EYA2: variants seen among roughly 807,000 people sequenced by gnomAD.
EYA2 encodes the protein protein phosphatase EYA2.
A neutral mutation model predicts 69.2 loss-of-function variants in EYA2; 31 were observed. The ratio of observed to expected loss-of-function variants is 0.45; its 90% confidence interval spans 0.34 to 0.60. EYA2 has a LOEUF of 0.60. EYA2 is among the 20% of genes least tolerant of loss of function. The pLI, the probability that EYA2 is intolerant of heterozygous loss-of-function variation, is 0.02. For missense variants in EYA2, 622 were observed against 701.2 expected (o/e 0.89, Z 1.28); for synonymous variants, 257 against 279.4 (o/e 0.92, Z 0.80).
chr20:47,059,888 T>C (rs915694591), intron 5 of EYA2, among the ~76,000 whole-genome samples: 1 of 152,232 alleles, frequency 6.6e-6, no homozygotes, highest in Admixed American at 6.5e-5. Context: ...TTTGCCACAC[T>C]GAGGACCCAG....
At chr20:47,185,066 G>C (rs2034610116) in intron 15 of EYA2, among the ~76,000 whole-genome samples, 1 of 152,148 alleles carries the variant, frequency 6.6e-6, no homozygotes, top group Non-Finnish European at 1.5e-5. Context: ...AATCTGAGCG[G>C]TGTAAAATAT....
chr20:46,935,458 G>A (rs1252942403), intron 1 of EYA2, among the ~76,000 whole-genome samples: 1 of 152,164 alleles, frequency 6.6e-6, no homozygotes, highest in Non-Finnish European at 1.5e-5. Flanking sequence ...AATAAATGAC[G>A]ATGTTATTAA....
chr20:46,938,622 T>G (rs1008722561), intron 1 of EYA2, among the ~76,000 whole-genome samples: 2 of 152,142 alleles, frequency 1.3e-5, no homozygotes, highest in African/African-American at 4.8e-5. Context: ...ACACATTGGC[T>G]GACTTCCCTG....
At chr20:46,975,766 T>G (rs945913605) in intron 1 of EYA2, among the ~76,000 whole-genome samples, 1 of 152,092 alleles carries the variant, frequency 6.6e-6, no homozygotes, top group African/African-American at 2.4e-5. Context: ...AATACAAAAA[T>G]TAGCCGGGCG....
chr20:46,915,085 TC>T (rs1984837933), intron 1 of EYA2, among the ~76,000 whole-genome samples: 1 of 152,128 alleles, frequency 6.6e-6, no homozygotes, highest in African/African-American at 2.4e-5. Context: ...CAATTACTGC[TC>T]CCCATCTCCC....
intron 5 of EYA2, among the ~76,000 whole-genome samples, chr20:47,055,292 T>C (rs531127616): frequency 5.3e-4 from 81 of 152,334 alleles, no homozygotes; most frequent in African/African-American, 1.9e-3. Flanking sequence ...TTTCAGAAAC[T>C]CTGGTCTTTA....
chr20:46,972,116 G>T (rs920849094), intron 1 of EYA2, among the ~76,000 whole-genome samples: 1 of 152,206 alleles, frequency 6.6e-6, no homozygotes, highest in African/African-American at 2.4e-5. Context: ...AGGAGGTGAC[G>T]TTTGAGAAAA....
chr20:47,076,281 A>AGGCCGCTTTCCACAGT (rs2031514972), intron 7 of EYA2, among the ~76,000 whole-genome samples: 1 of 152,220 alleles, frequency 6.6e-6, no homozygotes, highest in Non-Finnish European at 1.5e-5. Flanking sequence ...AGAAATCTTC[A>AGGCCGCTTTCCACAGT]GGCCGCTTTC....
At chr20:47,040,509 T>C (rs766523569) in intron 5 of EYA2, among the ~76,000 whole-genome samples, 1 of 152,184 alleles carries the variant, frequency 6.6e-6, no homozygotes, top group African/African-American at 2.4e-5. Context: ...AAACGCCGAG[T>C]TGGGGCTCAG....
chr20:47,162,675 C>T (rs2034093829), intron 10 of EYA2, among the ~76,000 whole-genome samples: 1 of 151,890 alleles, frequency 6.6e-6, no homozygotes, highest in Non-Finnish European at 1.5e-5. Context: ...CATGTCGCTA[C>T]ACCTGGCTAA....
intron 2 of EYA2, among the ~76,000 whole-genome samples, chr20:46,996,829 G>GCAGGCA (rs1450508856): frequency 6.6e-6 from 1 of 152,082 alleles, no homozygotes; most frequent in Non-Finnish European, 1.5e-5. Flanking sequence ...CGAAGGGGAA[G>GCAGGCA]CAGGCACATT....
chr20:47,088,894 T>G (rs1457010692), intron 7 of EYA2, among the ~76,000 whole-genome samples: 1 of 152,220 alleles, frequency 6.6e-6, no homozygotes, highest in East Asian at 1.9e-4. Context: ...GTTAATTCTC[T>G]GTGGCACATT....
intron 10 of EYA2, among the ~76,000 whole-genome samples, chr20:47,148,231 T>G (rs916805455): frequency 2.6e-5 from 4 of 152,062 alleles, no homozygotes; most frequent in Non-Finnish European, 5.9e-5. Context: ...GGCAAGTCTC[T>G]CCATCCCTCT....
rs530534172 is a variant in EYA2, at chr20:46,976,270, G to A, written c.-10-13731G>A. ...TGTAGCCCTAGCTACTCAGGAGGCCGAGGTGGGAGGATTGCTTGAGCCCAG... is the reference window on the plus strand; with the variant it reads ...TGTAGCCCTAGCTACTCAGGAGGCCAAGGTGGGAGGATTGCTTGAGCCCAG... On this transcript the variant is annotated intron_variant, in intron 1 of 15. Transcript: ENST00000327619. Among the ~76,000 whole-genome samples the A allele has an allele frequency of 2.3e-4, 35 of 152,312 alleles. No homozygotes were observed. In the East Asian group the frequency reaches 3.7e-3, roughly 16 times the overall value.
rs545094951 is a variant in EYA2 at position 47,157,331 on chromosome 20, G to A, written c.979-11808G>A. 6.5e-4 allele frequency among the ~76,000 whole-genome samples: 81 copies of A among 125,224 alleles called. 1 individual carries two copies. The South Asian group carries it at 0.022, about 34-fold the overall frequency. 82.2% of individuals were successfully genotyped at this position (125,224 alleles called of 152,430 possible). ...ATTGCACAACTGCACTCCAGCCTTGGTGACAGAGCAAGACTCCGTCTCAAA... is the reference window on the plus strand; with the variant it reads ...ATTGCACAACTGCACTCCAGCCTTGATGACAGAGCAAGACTCCGTCTCAAA... On this transcript the variant is annotated intron_variant, in intron 10 of 15. Coordinates refer to ENST00000327619, the MANE Select transcript of EYA2 (RefSeq NM_005244.5).
intron 11 of EYA2, among the ~76,000 whole-genome samples, chr20:47,170,438 G>A (rs1456448671): frequency 1.3e-5 from 2 of 151,852 alleles, no homozygotes; most frequent in African/African-American, 4.8e-5. Context: ...CCTGAGGTCA[G>A]GAGTTCGAGA....
intron 9 of EYA2, among the ~76,000 whole-genome samples, chr20:47,124,022 C>G (rs1204288452): frequency 2.0e-5 from 3 of 151,870 alleles, no homozygotes; most frequent in African/African-American, 7.3e-5. Context: ...CCTAATGAAC[C>G]AGTCCAAGGA....
chr20:47,088,470 T>G (rs1329446391), intron 7 of EYA2, among the ~76,000 whole-genome samples: 1 of 152,154 alleles, frequency 6.6e-6, no homozygotes, highest in Non-Finnish European at 1.5e-5. Flanking sequence ...AACTCCTCCA[T>G]CATTACAGCA....
chr20:47,168,067 G>A (rs117849870), intron 10 of EYA2, among the ~76,000 whole-genome samples: 1,854 of 152,234 alleles, frequency 0.012, 50 homozygotes, highest in East Asian at 0.089. Flanking sequence ...CAACGTCCCC[G>A]GGCTGGTTCC....
Sources: allele counts gnomAD v4.1 joint callset (sites outside exome capture counted in the v4.1 genomes callset), GRCh38; gene constraint gnomAD v4.1.1; transcripts MANE v1.5; gene names NCBI Gene and HGNC (gene_info 2026-07-23, HGNC 2026-07-21).